SLCO4A1: variants seen among roughly 807,000 people sequenced by gnomAD.
SLCO4A1 encodes the protein colon organic anion transporter.
A neutral mutation model predicts 64.6 loss-of-function variants in SLCO4A1; 51 were observed. That is an observed-to-expected ratio of 0.79 (90% CI 0.63 to 1.00). The LOEUF is 1.00. Among genes scored for constraint, SLCO4A1 ranks in the 50% least tolerant of loss-of-function variants. The pLI is 0.00. For missense variants in SLCO4A1, 919 were observed against 980.5 expected, an observed-to-expected ratio of 0.94 and a Z score of 0.84; for synonymous variants, 471 against 444.9, an observed-to-expected ratio of 1.06 and a Z score of -0.74.
chr20:62,690,591 C>T (rs1440992498), downstream of SLCO4A1, among the ~76,000 whole-genome samples: 3 of 152,234 alleles, frequency 2.0e-5, no homozygotes, highest in African/African-American at 4.8e-5. Context: ...TACTCTGCAG[C>T]GAGATACTTT....
Position 62,662,254 on chromosome 20 carries a change from G to A in SLCO4A1, c.1121+1079G>A, listed in dbSNP as rs548554057. On this transcript the variant is annotated intron_variant, in intron 5 of 11. Coordinates refer to ENST00000217159, the MANE Select transcript of SLCO4A1 (RefSeq NM_016354.4). ...GGACCCTGATAGACCCCCCAAAGGA[G>A]CTGGGAGCTGCCTGCTAAGGAGGGT... Among the ~76,000 whole-genome samples, 510 of 152,262 alleles carry A rather than the reference G, an allele frequency of 3.3e-3. 1 individual carries two copies. Among genetic ancestry groups the A allele is most frequent in the African/African-American group, 0.011 (450 of 41,552 alleles).
At chr20:62,669,115 T>G (rs985671263) in intron 11 of SLCO4A1, 37 bp downstream of exon 11, 2 of 1,591,140 alleles carry the variant, frequency 1.3e-6, no homozygotes, top group African/African-American at 2.7e-5. Flanking sequence ...GGGTCTGCTC[T>G]GAGGGTGGCT....
chr20:62,654,414 G>T (rs1156604900), intron 1 of SLCO4A1, among the ~76,000 whole-genome samples: 2 of 151,442 alleles, frequency 1.3e-5, no homozygotes, highest in East Asian at 3.9e-4. Context: ...CAGCCCCAGC[G>T]CAGGCCCAGT....
intron 1 of SLCO4A1, 44 bp from the exon 2 acceptor site, chr20:62,656,315 C>T: frequency 1.4e-6 from 1 of 697,566 alleles, no homozygotes; most frequent in Non-Finnish European, 2.3e-6. Context: ...TGTGCTGTAC[C>T]CGTGGAGAGA....
chr20:62,686,135 G>A (rs771419327), downstream of SLCO4A1, among the ~76,000 whole-genome samples: 37 of 152,210 alleles, frequency 2.4e-4, no homozygotes, highest in Non-Finnish European at 4.6e-4. Context: ...CCTGGGGAGT[G>A]CAGCCGCCCA....
At chr20:62,677,352 T>A (rs1987641761) in intron 2 of SLCO4A1, among the ~76,000 whole-genome samples, 1 of 152,260 alleles carries the variant, frequency 6.6e-6, no homozygotes, top group Non-Finnish European at 1.5e-5. Context: ...GCTGACTGCC[T>A]GCCCTGTGCT....
chr20:62,682,583 G>C (rs1159105870), intron 2 of SLCO4A1, among the ~76,000 whole-genome samples: 1 of 152,058 alleles, frequency 6.6e-6, no homozygotes, highest in Non-Finnish European at 1.5e-5. Flanking sequence ...AGAAATCTGG[G>C]GCACCTGCCA....
In SLCO4A1 at chr20:62,668,028, G is replaced by C. The variant is rs777910010; in HGVS notation, c.1655G>C (p.Ser552Thr). The change falls in exon 9 of 12, where the codon AGC becomes ACC. Residue 552 changes from serine to threonine, a missense_variant. By Grantham distance (58) the Ser-to-Thr change is moderately conservative (BLOSUM62 1). Coordinates refer to ENST00000217159, the MANE Select transcript of SLCO4A1 (RefSeq NM_016354.4). ...GCTTCCCAGGTGTACCGAGACTGTA[G>C]CTGTATCCCTCAGAATCTTTCCTCT... ...VDGQKVYRDC[S>T]CIPQNLSSGF... 4 of 1,614,066 alleles carry C rather than the reference G, an allele frequency of 2.5e-6. No individual in the cohort carries two copies. Among genetic ancestry groups the C allele is most frequent in the South Asian group, 1.1e-5 (1 of 91,082 alleles).
chr20:62,656,977 TG>T lies in SLCO4A1; in HGVS notation c.527del (p.Gly176AlafsTer106), dbSNP rs35747550. 15 of 1,566,616 alleles carry T rather than the reference TG, an allele frequency of 9.6e-6. No individual in the cohort carries two copies. Among genetic ancestry groups the T allele is most frequent in the Non-Finnish European group, 1.3e-5 (15 of 1,151,150 alleles). On this transcript the variant is annotated frameshift_variant, in exon 2 of 12. Transcript: ENST00000217159. LOFTEE classifies it high-confidence loss of function. ...AGGGCACAAGCCGCGCTGGCTGGGC[TG>T]GGGCGTGCTGCTTATGGGCACGGGG... ...GSGHKPRWLGWGVLLMGTGSL... is the reference protein window; with the variant it reads ...GSGHKPRWLGXGVLLMGTGSL...
At position 62,666,490 on chromosome 20, in the gene SLCO4A1, G is replaced by T. The variant is rs536420597; in HGVS notation, c.1387G>T (p.Val463Phe). Residue 463 changes from valine to phenylalanine, a missense_variant, in exon 7 of 12, where the codon GTT becomes TTT. Transcript: ENST00000217159. ...CATCAAGTTCTGCCTGTTCTGCACCGTTGTCAGCCTGCTGGGCATCCTCGT... is the reference window on the plus strand; with the variant it reads ...CATCAAGTTCTGCCTGTTCTGCACCTTTGTCAGCCTGCTGGGCATCCTCGT... ...AVIKFCLFCT[V>F]VSLLGILVFS... 9.3e-6 allele frequency: 15 copies of T among 1,613,504 alleles called. No individual in the cohort carries two copies. In the South Asian group the frequency reaches 1.4e-4, roughly 15 times the overall value.
At chr20:62,665,137 G>A (rs1462630651) in intron 6 of SLCO4A1, 49 bp downstream of exon 6, 1 of 1,564,332 alleles carries the variant, frequency 6.4e-7, no homozygotes, top group East Asian at 2.2e-5. Flanking sequence ...TCAGTTCTCA[G>A]AAACAGAGTC....
rs145953004 is a variant in SLCO4A1 at position 62,654,527 on chromosome 20, C to T, written c.-96-1832C>T. On this transcript the variant is annotated intron_variant, in intron 1 of 11. Transcript: ENST00000217159. ...CCCTGCATCTCCGTGCATCTCTGCG[C>T]GTCGCCGGCTGTGGCTGGAAGGAGA... Among the ~76,000 whole-genome samples, 892 of 152,294 alleles carry T rather than the reference C, an allele frequency of 5.9e-3. 4 individuals are homozygous for T. The highest frequency in any genetic ancestry group is 0.018 in the South Asian group (86 of 4,830).
rs56332484 is a variant in SLCO4A1, at chr20:62,661,834, C to CTCT, written c.1121+659_1121+660insTCT. 0.17 allele frequency among the ~76,000 whole-genome samples: 25,656 copies of CTCT among 151,836 alleles called. 2,194 individuals are homozygous for CTCT. Among genetic ancestry groups the CTCT allele is most frequent in the Admixed American group, 0.2 (3,022 of 15,264 alleles). On this transcript the variant is annotated intron_variant, in intron 5 of 11. Coordinates refer to ENST00000217159, the MANE Select transcript of SLCO4A1 (RefSeq NM_016354.4). The surrounding 1 kb of genome is among the most constrained non-coding windows in gnomAD (Gnocchi z 5.2). Reference sequence around the variant, plus strand: ...TCTTGCTGCACTGCTAGGGTGAACCCGGGGCCCTGAGCCGGTGGGGTCCTA... The same window carrying CTCT: ...TCTTGCTGCACTGCTAGGGTGAACCCTCTGGGGCCCTGAGCCGGTGGGGTCCTA...
intron 3 of SLCO4A1, among the ~76,000 whole-genome samples, chr20:62,659,873 C>T (rs948422457): frequency 2.0e-5 from 3 of 152,356 alleles, no homozygotes; most frequent in East Asian, 1.9e-4. Context: ...CCTGGATGCC[C>T]AGAGCTTGGA....
chr20:62,656,458 C>T lies in SLCO4A1; in HGVS notation c.4C>T (p.Pro2Ser), dbSNP rs1244058546. 1.0e-5 allele frequency: 15 copies of T among 1,481,744 alleles called. No homozygotes were observed. The highest frequency in any genetic ancestry group is 1.3e-5 in the Non-Finnish European group (15 of 1,115,760). The allele number at this position is 1,481,744 out of a possible 1,614,324, so 91.8% of individuals were successfully genotyped here. Residue 2 changes from proline to serine, a missense_variant, in exon 2 of 12, where the codon CCC becomes TCC. By Grantham distance (74) the Pro-to-Ser change is moderately conservative. Coordinates refer to ENST00000217159, the MANE Select transcript of SLCO4A1 (RefSeq NM_016354.4). Reference sequence around the variant, plus strand: ...GTCACCAGGCGGAGGCGCGGAGATGCCCCTGCATCAGCTGGGGGACAAGCC... The same window carrying T: ...GTCACCAGGCGGAGGCGCGGAGATGTCCCTGCATCAGCTGGGGGACAAGCC... The part of the protein sequence containing the change: M[P>S]LHQLGDKPLT...
In SLCO4A1 at chr20:62,666,424, G is replaced by C. The variant is rs748935189; in HGVS notation, c.1321G>C (p.Gly441Arg). The C allele has an allele frequency of 5.6e-6, 9 of 1,613,166 alleles. No individual in the cohort carries two copies. Among genetic ancestry groups the C allele is most frequent in the South Asian group, 2.2e-5 (2 of 91,080 alleles). ...PAGGGGTFLG[G>R]FFVNKLRLRG... ...GGGTGGTGGCGGCACCTTCCTGGGCGGCTTCTTTGTGAACAAGCTCAGGCT... is the reference window on the plus strand; with the variant it reads ...GGGTGGTGGCGGCACCTTCCTGGGCCGCTTCTTTGTGAACAAGCTCAGGCT... The change falls in exon 7 of 12, where the codon GGC (glycine) becomes CGC (arginine). Residue 441 changes from glycine (G) to arginine (R), a missense_variant. Physicochemically the swap from Gly to Arg is moderately radical, Grantham distance 125. Coordinates refer to ENST00000217159, the MANE Select transcript of SLCO4A1 (RefSeq NM_016354.4).
rs566363903 is a variant in SLCO4A1 at position 62,666,804 on chromosome 20, C to T, written c.1472+229C>T. ...TGCGCTTGGGTCCCGGCTGTGCCCC[C>T]GGGCAGTCATATGCCTCTCTGGGCC... On this transcript the variant is annotated intron_variant, in intron 7 of 11. Coordinates refer to ENST00000217159, the MANE Select transcript of SLCO4A1 (RefSeq NM_016354.4). 874 of 567,998 alleles carry T rather than the reference C, an allele frequency of 1.5e-3. 6 individuals are homozygous for T. Among genetic ancestry groups the T allele is most frequent in the African/African-American group, 0.013 (719 of 53,478 alleles). The allele number at this position is 567,998 out of a possible 1,614,324, so 35.2% of individuals were successfully genotyped here.
chr20:62,673,909 G>A (rs1183604100), downstream of SLCO4A1, among the ~76,000 whole-genome samples: 3 of 152,226 alleles, frequency 2.0e-5, no homozygotes, highest in Admixed American at 6.5e-5. Context: ...TTGTTCTGCA[G>A]CCATAGCTAA....
intron 1 of SLCO4A1, among the ~76,000 whole-genome samples, chr20:62,647,648 T>C (rs911161716): frequency 2.0e-5 from 3 of 152,276 alleles, no homozygotes; most frequent in Non-Finnish European, 4.4e-5. Flanking sequence ...TTCCACGCAC[T>C]GCGCTGAGAG....
Sources: gnomAD v4.1 joint callset for allele counts (sites outside exome capture counted in the v4.1 genomes callset) on GRCh38, gnomAD v4.1.1 for gene constraint, Gnocchi (gnomAD v3.1) non-coding constraint, MANE v1.5 for transcripts, NCBI Gene and HGNC (gene_info 2026-07-23, HGNC 2026-07-21) for gene names.